The following CRYGA variants were observed in gnomAD, a reference collection of about 807,000 sequenced individuals.
CRYGA encodes the protein crystallin gamma A.
Under a neutral mutation model 13.8 loss-of-function variants are expected in CRYGA, and 11 were observed. The observed-to-expected ratio is 0.80, with a 90% CI of 0.50 to 1.32. CRYGA has a LOEUF of 1.32. Ranked by LOEUF, CRYGA falls within the 40% of genes most tolerant of loss-of-function variation. The pLI, the probability that CRYGA is intolerant of heterozygous loss-of-function variation, is 0.00. For synonymous variants in CRYGA, 97 were observed against 89.3 expected (o/e 1.09, Z -0.48); for missense variants, 271 against 234.1 (o/e 1.16, Z -1.03).
chr2:208,161,847 T>C (rs553182479), intron 2 of CRYGA, among the ~76,000 whole-genome samples: 1 of 152,374 alleles, frequency 6.6e-6, no homozygotes, highest in African/African-American at 2.4e-5. Context: ...AAGTCACTTG[T>C]GCCATTTGGG....
chr2:208,163,202 A>G lies in CRYGA; in HGVS notation c.252+2T>C, dbSNP rs768912260. ...CATCAGTCAAGTTGAAGCAAGACTC[A>G]CATGAGGAATTATACGGCAGGATTG... On this transcript the variant is annotated splice_donor_variant, in intron 2 of 2. Transcript: ENST00000304502. LOFTEE classifies it high-confidence loss of function. 6.2e-7 allele frequency: 1 copy of G among 1,611,326 alleles called. No homozygotes were observed. The highest frequency in any genetic ancestry group is 1.3e-5 in the African/African-American group (1 of 74,840).
Position 208,163,447 on chromosome 2 carries a change from C to G in CRYGA, c.10-1G>C. Reference sequence around the variant, plus strand: ...AGTCTCGGTCCTCGTAGAAGGTGATCTGAGGTAGAAATAAGGTGACAGTAG... The same window carrying G: ...AGTCTCGGTCCTCGTAGAAGGTGATGTGAGGTAGAAATAAGGTGACAGTAG... On this transcript the variant is annotated splice_acceptor_variant, in intron 1 of 2. Transcript: ENST00000304502. LOFTEE classifies it high-confidence loss of function. 1 of 1,613,476 alleles carries G rather than the reference C, an allele frequency of 6.2e-7. No homozygotes were observed. Among genetic ancestry groups the G allele is most frequent in the East Asian group, 2.2e-5 (1 of 44,838 alleles).
At chr2:208,163,506 C>G in intron 1 of CRYGA, 42 bp downstream of exon 1, 1 of 1,612,248 alleles carries the variant, frequency 6.2e-7, no homozygotes. Flanking sequence ...CCACACACCA[C>G]AGACCCCCAA....
Position 208,160,994 on chromosome 2 carries a change from A to C in CRYGA, c.335T>G (p.Val112Gly). The C allele has an allele frequency of 6.2e-7, 1 of 1,613,912 alleles. No individual in the cohort carries two copies. The highest frequency in any genetic ancestry group is 1.1e-5 in the South Asian group (1 of 91,062). Residue 112 changes from valine (V) to glycine (G), a missense_variant, in exon 3 of 3, where the codon GTT (valine) becomes GGT (glycine). Physicochemically the swap from Val to Gly is moderately radical, Grantham distance 109 (BLOSUM62 -3). Transcript: ENST00000304502. ...CTCAGGGAGACGGAACAGTTCTGGA[A>C]CACAGGCGCAGTCATCAGTGAGCTC... ...MSELTDDCAC[V>G]PELFRLPEIY...
At chr2:208,161,450 G>A (rs1036206238) in intron 2 of CRYGA, among the ~76,000 whole-genome samples, 2 of 22,038 alleles carry the variant, frequency 9.1e-5, no homozygotes, top group African/African-American at 1.5e-4. Context: ...AAAATGTTGG[G>A]ATTACAAATG....
chr2:208,160,822 C>T lies in CRYGA; in HGVS notation c.507G>A (p.Arg169=), dbSNP rs1695740237. The change falls in exon 3 of 3, where the codon CGG becomes CGA. Residue 169 remains arginine (R), a synonymous_variant. Transcript: ENST00000304502. ...GCACAGCTTAGTACAAATCGGTGAC[C>T]CGTCTCAAAGAGCCGACTTTGGCAT... The part of the protein sequence containing the change: ...GADAKVGSLR[R]VTDLY 6.2e-7 allele frequency: 1 copy of T among 1,608,336 alleles called. No individual in the cohort carries two copies. The highest frequency in any genetic ancestry group is 8.5e-7 in the Non-Finnish European group (1 of 1,175,080).
intron 2 of CRYGA, 123 bp from the exon 3 acceptor site, chr2:208,161,199 G>A (rs2441351): frequency 2.0e-6 from 2 of 981,282 alleles, no homozygotes; most frequent in Non-Finnish European, 3.0e-6. Context: ...TGAGATAAAG[G>A]TCTTGCTGTG....
Position 208,163,583 on chromosome 2 carries a change from C to G in CRYGA, c.-27G>C. 6.2e-7 allele frequency: 1 copy of G among 1,607,122 alleles called. No individual in the cohort carries two copies. Among genetic ancestry groups the G allele is most frequent in the Non-Finnish European group, 8.5e-7 (1 of 1,177,582 alleles). On this transcript the variant is annotated 5_prime_UTR_variant, in exon 1 of 3. Transcript: ENST00000304502. ...GTTGTTGACAGAGGGTGATTAGCAT[C>G]TAGTATGATAGGGACAAAGGGGCAA...
chr2:208,163,117 G>A, intron 2 of CRYGA, 87 bp downstream of exon 2: 1 of 1,153,332 alleles, frequency 8.7e-7, no homozygotes, highest in Non-Finnish European at 1.3e-6. Flanking sequence ...CTCATCCTGT[G>A]TTGGAACAAA....
At chr2:208,163,469 G>A (rs772186337) in intron 1 of CRYGA, 23 bp from the exon 2 acceptor site, 1 of 1,612,918 alleles carries the variant, frequency 6.2e-7, no homozygotes, top group East Asian at 2.2e-5. Flanking sequence ...TAAGGTGACA[G>A]TAGACAGTCA....
Position 208,161,035 on chromosome 2 carries a change from G to A in CRYGA, c.294C>T (p.Tyr98=), listed in dbSNP as rs377711066. 9.3e-6 allele frequency: 15 copies of A among 1,614,116 alleles called. No individual in the cohort carries two copies. Among genetic ancestry groups the A allele is most frequent in the Non-Finnish European group, 1.3e-5 (15 of 1,180,002 alleles). Residue 98 remains tyrosine, a synonymous_variant, in exon 3 of 3, where the codon TAC becomes TAT. Transcript: ENST00000304502. ...CAGTGAGCTCAGACATAAGGCCTCG[G>A]TAGTCATCTCTCTCGTACAGCCTTA... is the stretch of plus-strand genomic sequence containing the variant. ...HKLRLYERDD[Y]RGLMSELTDD...
intron 2 of CRYGA, 104 bp downstream of exon 2, chr2:208,163,100 G>T: frequency 1.1e-6 from 1 of 925,198 alleles, no homozygotes. Context: ...TATTCTTACT[G>T]TGAACACTCA....
In CRYGA at chr2:208,163,399, G is replaced by A. The variant is rs960546250; in HGVS notation, c.57C>T (p.Cys19=). ...CCCGCAGGTTGGGGCAGTCACTGAT[G>A]CAATTGTAGCAGCGACCCTGAAAGT... ...DRDFQGRCYN[C]ISDCPNLRVY... The change falls in exon 2 of 3, where the codon TGC becomes TGT. Residue 19 remains cysteine (C), a synonymous_variant. Coordinates refer to ENST00000304502, the MANE Select transcript of CRYGA (RefSeq NM_014617.4). The A allele has an allele frequency of 8.7e-6, 14 of 1,613,784 alleles. No homozygotes were observed. Among genetic ancestry groups the A allele is most frequent in the Non-Finnish European group, 1.1e-5 (13 of 1,179,992 alleles).
At chr2:208,163,127 A>G in intron 2 of CRYGA, 77 bp downstream of exon 2, 1 of 1,306,288 alleles carries the variant, frequency 7.7e-7, no homozygotes, top group Non-Finnish European at 1.1e-6. Flanking sequence ...GTTGGAACAA[A>G]CTGACTTTTA....
intron 2 of CRYGA, among the ~76,000 whole-genome samples, chr2:208,162,012 CT>C (rs1167366936): frequency 6.6e-6 from 1 of 152,156 alleles, no homozygotes; most frequent in African/African-American, 2.4e-5. Context: ...TCTCGGCTCA[CT>C]GCAACCTCCG....
At chr2:208,161,759 A>G (rs1032069330) in intron 2 of CRYGA, among the ~76,000 whole-genome samples, 1 of 152,010 alleles carries the variant, frequency 6.6e-6, no homozygotes, top group African/African-American at 2.4e-5. Context: ...CTTGTTTTTG[A>G]GTCACTTTTT....
chr2:208,163,258 A>G lies in CRYGA; in HGVS notation c.198T>C (p.Tyr66=). ...YFLRRGKYPD[Y]QHWMGLSDSV... is the part of the protein sequence containing the mutation. ...AGTCGCTGAGGCCCATCCAGTGCTG[A>G]TAGTCGGGGTACTTGCCTCGGCGCA... is the stretch of plus-strand genomic sequence containing the variant. Residue 66 remains tyrosine (Y), a synonymous_variant, in exon 2 of 3, where the codon TAT becomes TAC. Coordinates refer to ENST00000304502, the MANE Select transcript of CRYGA (RefSeq NM_014617.4). 1 of 1,613,958 alleles carries G rather than the reference A, an allele frequency of 6.2e-7. No individual in the cohort carries two copies. The highest frequency in any genetic ancestry group is 8.5e-7 in the Non-Finnish European group (1 of 1,180,016).
Position 208,160,844 on chromosome 2 carries a change from G to A in CRYGA, c.485C>T (p.Ala162Val). 1 of 1,611,484 alleles carries A rather than the reference G, an allele frequency of 6.2e-7. No individual in the cohort carries two copies. Among genetic ancestry groups the A allele is most frequent in the Non-Finnish European group, 8.5e-7 (1 of 1,177,662 alleles). Residue 162 changes from alanine to valine, a missense_variant, in exon 3 of 3, where the codon GCC becomes GTC. Transcript: ENST00000304502. Reference protein sequence around the residue: ...RRYHDWGGADAKVGSLRRVTD... With the variant: ...RRYHDWGGADVKVGSLRRVTD... ...GACCCGTCTCAAAGAGCCGACTTTG[G>A]CATCTGCACCCCCCCAGTCGTGGTA...
chr2:208,160,859 C>CCCA lies in CRYGA; in HGVS notation c.469_470insTGG (p.Trp157delinsLeuGly), dbSNP rs1695741679. ...GCCGACTTTGGCATCTGCACCCCCC[C>CCCA]AGTCGTGGTACCTTCTGTAGTCCCC... On this transcript the variant is annotated protein_altering_variant, in exon 3 of 3. Transcript: ENST00000304502. The CCCA allele has an allele frequency of 6.2e-7, 1 of 1,612,022 alleles. No individual in the cohort carries two copies. Among genetic ancestry groups the CCCA allele is most frequent in the Non-Finnish European group, 8.5e-7 (1 of 1,178,096 alleles).
Sources: gnomAD v4.1 joint callset for allele counts (sites outside exome capture counted in the v4.1 genomes callset) on GRCh38, gnomAD v4.1.1 for gene constraint, MANE v1.5 for transcripts, NCBI Gene and HGNC (gene_info 2026-07-23, HGNC 2026-07-21) for gene names.